CNTNAP4: variants seen among roughly 807,000 people sequenced by gnomAD.
The protein encoded by CNTNAP4 is contactin-associated protein-like 4.
CNTNAP4 carries 98 observed loss-of-function variants against 148.4 expected under a neutral mutation model. The ratio of observed to expected loss-of-function variants is 0.66; its 90% CI spans 0.56 to 0.78. The LOEUF (loss-of-function observed/expected upper bound fraction) is 0.78, where lower values mean the gene tolerates loss of function less well. Among genes scored for constraint, CNTNAP4 ranks in the 30% least tolerant of loss-of-function variants. The probability of loss-of-function intolerance (pLI) is 0.00; values close to 1 mark genes in which losing one functional copy is unlikely to be tolerated. For missense variants in CNTNAP4, 1,935 were observed against 1,565.6 expected, an observed-to-expected ratio of 1.24 and a Z score of -3.98; for synonymous variants, 730 against 565.1, an observed-to-expected ratio of 1.29 and a Z score of -4.14.
intron 17 of CNTNAP4, among the ~76,000 whole-genome samples, chr16:76,528,696 C>T (rs534055655): frequency 6.6e-6 from 1 of 152,296 alleles, no homozygotes; most frequent in Non-Finnish European, 1.5e-5. Context: ...GTGTTCACAT[C>T]TCAGAGTGAA....
At chr16:76,517,296 T>C (rs1304866866) in intron 15 of CNTNAP4, among the ~76,000 whole-genome samples, 1 of 152,134 alleles carries the variant, frequency 6.6e-6, no homozygotes, top group African/African-American at 2.4e-5. Flanking sequence ...TTAGCGTCAG[T>C]GTCACTATCC....
At chr16:76,323,276 A>G (rs1962618744) in intron 2 of CNTNAP4, among the ~76,000 whole-genome samples, 1 of 128,386 alleles carries the variant, frequency 7.8e-6, no homozygotes. Flanking sequence ...GGGTGATAGG[A>G]TGGTTTTATT....
chr16:76,529,843 C>CTGTGTGTGTGTGTGTGTGTGTG (rs35748962), intron 17 of CNTNAP4, among the ~76,000 whole-genome samples: 1 of 148,352 alleles, frequency 6.7e-6, no homozygotes, highest in Non-Finnish European at 1.5e-5. Flanking sequence ...TGAATCTCAG[C>CTGTGTGTGTGTGTGTGTGTGTG]TGTGTGTGTG....
At chr16:76,424,127 A>C (rs193258782) in intron 3 of CNTNAP4, among the ~76,000 whole-genome samples, 127 of 152,310 alleles carry the variant, frequency 8.3e-4, no homozygotes, top group Non-Finnish European at 1.6e-3. Context: ...TCAAAATTTA[A>C]ATAGCTCATA....
chr16:76,400,481 C>T (rs548932224), intron 3 of CNTNAP4, among the ~76,000 whole-genome samples: 2 of 152,046 alleles, frequency 1.3e-5, no homozygotes, highest in East Asian at 3.9e-4. Flanking sequence ...ATATTTTCTT[C>T]TATTCTGTAA....
chr16:76,471,422 A>G (rs1387405853), intron 10 of CNTNAP4, among the ~76,000 whole-genome samples: 1 of 152,170 alleles, frequency 6.6e-6, no homozygotes, highest in East Asian at 1.9e-4. Context: ...GACAGGAACT[A>G]AGAGGCTGTT....
In CNTNAP4 at chr16:76,448,885, A is replaced by C. The variant is rs143312436; in HGVS notation, c.861A>C (p.Thr287=). The C allele has an allele frequency of 8.6e-5, 138 of 1,613,786 alleles. No homozygotes were observed. The African/African-American group carries it at 1.8e-3, about 21-fold the overall frequency. Residue 287 remains threonine, a synonymous_variant, in exon 6 of 24, where the codon ACA becomes ACC. Transcript: ENST00000611870. ...IQRLGKQVNF[T]VDEHRHHFHA... is the part of the protein sequence containing the mutation. ...GTTTGGGCAAACAAGTCAACTTCAC[A>C]GTGGACGAACACAGGCATCATTTCC...
chr16:76,379,327 C>T (rs1360209757), intron 3 of CNTNAP4, among the ~76,000 whole-genome samples: 1 of 152,186 alleles, frequency 6.6e-6, no homozygotes, highest in Admixed American at 6.5e-5. Context: ...CTTACCCCAC[C>T]TCCCTACAAT....
chr16:76,519,287 G>A (rs1403376025), intron 15 of CNTNAP4, among the ~76,000 whole-genome samples: 1 of 151,916 alleles, frequency 6.6e-6, no homozygotes, highest in African/African-American at 2.4e-5. Context: ...TAATAAATTG[G>A]TTTCATTGCT....
chr16:76,421,168 C>A lies in CNTNAP4; in HGVS notation c.391-6284C>A, dbSNP rs78145041. ...AAACAGTATATTTTATAACTTGTAT[C>A]TCCATAGATTCTAATATAATGATTT... On this transcript the variant is annotated intron_variant, in intron 3 of 23. Transcript: ENST00000611870. Among the ~76,000 whole-genome samples, 945 of 152,082 alleles carry A rather than the reference C, an allele frequency of 6.2e-3. 7 individuals carry two copies. The highest frequency in any genetic ancestry group is 0.021 in the African/African-American group (890 of 41,522).
In CNTNAP4 at chr16:76,440,181, T is replaced by C. The variant is rs144907206; in HGVS notation, c.539-7831T>C. ...GAAATAGCTATATATTTTTTTTCTC[T>C]GATCTTTGACAGGAACATTCTAGTT... On this transcript the variant is annotated intron_variant, in intron 4 of 23. Coordinates refer to ENST00000611870, the MANE Select transcript of CNTNAP4 (RefSeq NM_033401.5). Among the ~76,000 whole-genome samples, 947 of 152,260 alleles carry C rather than the reference T, an allele frequency of 6.2e-3. 7 individuals are homozygous for C. The highest frequency in any genetic ancestry group is 0.021 in the African/African-American group (892 of 41,554).
chr16:76,441,192 T>C (rs568227235), intron 4 of CNTNAP4, among the ~76,000 whole-genome samples: 1 of 152,044 alleles, frequency 6.6e-6, no homozygotes, highest in Non-Finnish European at 1.5e-5. Flanking sequence ...TCTTCCCCAA[T>C]TGACTATAAG....
At chr16:76,401,541 T>G (rs2078417039) in intron 3 of CNTNAP4, among the ~76,000 whole-genome samples, 1 of 152,154 alleles carries the variant, frequency 6.6e-6, no homozygotes, top group Admixed American at 6.5e-5. Flanking sequence ...TTTTATTTCT[T>G]TCTCTTGCCT....
intron 23 of CNTNAP4, among the ~76,000 whole-genome samples, chr16:76,555,204 T>C (rs2085142975): frequency 6.6e-6 from 1 of 152,192 alleles, no homozygotes; most frequent in Admixed American, 6.5e-5. Context: ...TAGGATTTTA[T>C]TTGGACAGCA....
At chr16:76,458,314 T>A (rs1307649857) in intron 8 of CNTNAP4, among the ~76,000 whole-genome samples, 1 of 152,182 alleles carries the variant, frequency 6.6e-6, no homozygotes, top group Non-Finnish European at 1.5e-5. Flanking sequence ...CACCAGGGAC[T>A]GTTTTCATGA....
chr16:76,518,343 G>T (rs1339653807), intron 15 of CNTNAP4, among the ~76,000 whole-genome samples: 1 of 151,940 alleles, frequency 6.6e-6, no homozygotes, highest in Non-Finnish European at 1.5e-5. Flanking sequence ...GTTCAGACTG[G>T]TCTCGAACTC....
chr16:76,484,341 A>AGC (rs941227065), intron 12 of CNTNAP4, among the ~76,000 whole-genome samples: 23 of 150,898 alleles, frequency 1.5e-4, no homozygotes, highest in African/African-American at 5.3e-4. Flanking sequence ...TGCTTCATTC[A>AGC]GCAAGATTAA....
intron 3 of CNTNAP4, among the ~76,000 whole-genome samples, chr16:76,363,841 G>A (rs965582592): frequency 9.9e-5 from 15 of 152,226 alleles, no homozygotes; most frequent in African/African-American, 3.6e-4. Flanking sequence ...AGTAGTGTCG[G>A]TGGCTCTGTT....
intron 3 of CNTNAP4, among the ~76,000 whole-genome samples, chr16:76,358,225 A>C (rs896218916): frequency 6.6e-6 from 1 of 152,140 alleles, no homozygotes; most frequent in Non-Finnish European, 1.5e-5. Flanking sequence ...AATCCCAGCT[A>C]CTTGGGAGGC....
Sources: allele counts gnomAD v4.1 joint callset (sites outside exome capture counted in the v4.1 genomes callset), GRCh38; gene constraint gnomAD v4.1.1; transcripts MANE v1.5; gene names NCBI Gene and HGNC (gene_info 2026-07-23, HGNC 2026-07-21).